Variants in RGL1 observed in about 807,000 individuals in gnomAD.
RGL1 encodes ral guanine nucleotide dissociation stimulator-like 1.
A neutral mutation model predicts 95.2 loss-of-function variants in RGL1; 24 were observed. That is an observed-to-expected ratio of 0.25 (90% CI 0.18 to 0.35). The LOEUF is 0.35. Among genes scored for constraint, RGL1 ranks in the 10% least tolerant of loss-of-function variants. The pLI, the probability that RGL1 is intolerant of heterozygous loss-of-function variation, is 1.00. For missense variants in RGL1, 715 were observed against 936.3 expected, an observed-to-expected ratio of 0.76 and a Z score of 3.08; for synonymous variants, 329 against 344.9, an observed-to-expected ratio of 0.95 and a Z score of 0.51.
intron 2 of RGL1, among the ~76,000 whole-genome samples, chr1:183,763,772 C>T (rs531047913): frequency 1.3e-5 from 2 of 152,260 alleles, no homozygotes; most frequent in South Asian, 4.1e-4. Flanking sequence ...TAGCTTGGTA[C>T]ATAATAAGCA....
At chr1:183,845,708 G>A (rs528544840) in intron 2 of RGL1, among the ~76,000 whole-genome samples, 28 of 152,232 alleles carry the variant, frequency 1.8e-4, no homozygotes, top group African/African-American at 6.0e-4. Context: ...GCACATTGCC[G>A]TCTGTGGACT....
intron 1 of RGL1, among the ~76,000 whole-genome samples, chr1:183,675,926 A>G (rs576284675): frequency 6.6e-6 from 1 of 152,298 alleles, no homozygotes; most frequent in East Asian, 1.9e-4. Context: ...CAGGAGGGTC[A>G]CTTGAGCCCA....
At chr1:183,883,763 T>C in intron 5 of RGL1, 23 bp from the exon 6 acceptor site, 2 of 1,613,406 alleles carry the variant, frequency 1.2e-6, no homozygotes, top group Non-Finnish European at 1.7e-6. Flanking sequence ...GCCAAATTAC[T>C]AATCTTTTCC....
chr1:183,768,279 C>T (rs1175959509), intron 2 of RGL1, among the ~76,000 whole-genome samples: 2 of 151,764 alleles, frequency 1.3e-5, no homozygotes, highest in African/African-American at 2.4e-5. Flanking sequence ...AAAAATTTAC[C>T]GTTCCAAGAT....
chr1:183,759,033 T>C (rs2102301981), intron 2 of RGL1, among the ~76,000 whole-genome samples: 1 of 152,296 alleles, frequency 6.6e-6, no homozygotes, highest in East Asian at 1.9e-4. Context: ...TTCTTGGATA[T>C]GAAAGCTTGC....
intron 1 of RGL1, among the ~76,000 whole-genome samples, chr1:183,700,361 T>G (rs1002584410): frequency 1.3e-5 from 2 of 151,996 alleles, no homozygotes; most frequent in African/African-American, 4.8e-5. Flanking sequence ...TATAGTATCA[T>G]AAATATGGGA....
At chr1:183,721,629 A>G (rs781574198) in intron 1 of RGL1, among the ~76,000 whole-genome samples, 18 of 152,222 alleles carry the variant, frequency 1.2e-4, no homozygotes, top group Admixed American at 3.3e-4. Flanking sequence ...ATAACCTGCT[A>G]TTATACAAAT....
intron 1 of RGL1, among the ~76,000 whole-genome samples, chr1:183,706,145 AGAGTAGTGTG>A (rs1379295774): frequency 2.6e-5 from 4 of 152,106 alleles, no homozygotes; most frequent in South Asian, 2.1e-4. Context: ...GTGGAAGTGG[AGAGTAGTGTG>A]GAGTTTTGAA....
At chr1:183,847,851 C>T in intron 3 of RGL1, 77 bp downstream of exon 3, 5 of 1,047,284 alleles carry the variant, frequency 4.8e-6, no homozygotes, top group Non-Finnish European at 7.3e-6. Context: ...TCTGAATCAC[C>T]TGCACTTGGT....
intron 3 of RGL1, among the ~76,000 whole-genome samples, chr1:183,854,135 A>G (rs1037142853): frequency 1.3e-5 from 2 of 152,248 alleles, no homozygotes; most frequent in Admixed American, 6.5e-5. Flanking sequence ...ATTAAAATTG[A>G]TAGACCACTG....
chr1:183,872,491 A>C (rs900858205), intron 4 of RGL1, among the ~76,000 whole-genome samples: 1 of 152,206 alleles, frequency 6.6e-6, no homozygotes, highest in Non-Finnish European at 1.5e-5. Context: ...ACTCTCTACC[A>C]TAGTACTACT....
intron 1 of RGL1, among the ~76,000 whole-genome samples, chr1:183,681,368 A>T (rs1462236410): frequency 6.6e-6 from 1 of 152,230 alleles, no homozygotes; most frequent in Non-Finnish European, 1.5e-5. Context: ...TAGTTTATTG[A>T]GAGCTTTTAG....
chr1:183,785,727 G>A (rs373671461), intron 2 of RGL1, among the ~76,000 whole-genome samples: 3 of 152,190 alleles, frequency 2.0e-5, no homozygotes, highest in Non-Finnish European at 4.4e-5. Context: ...CATCAAGAAC[G>A]TAATTTGTGA....
At chr1:183,785,671 A>G (rs1413477115) in intron 2 of RGL1, among the ~76,000 whole-genome samples, 1 of 152,212 alleles carries the variant, frequency 6.6e-6, no homozygotes, top group Non-Finnish European at 1.5e-5. Context: ...GGTGAAATGA[A>G]CCTGAACCAG....
At chr1:183,918,885 C>T (rs1669151625) in intron 16 of RGL1, among the ~76,000 whole-genome samples, 2 of 152,174 alleles carry the variant, frequency 1.3e-5, no homozygotes, top group Non-Finnish European at 2.9e-5. Context: ...TCAGGAGAAA[C>T]CTTGCTCACA....
chr1:183,854,654 T>C (rs1303774276), intron 3 of RGL1, among the ~76,000 whole-genome samples: 1 of 152,174 alleles, frequency 6.6e-6, no homozygotes. Context: ...CAATTTTTCC[T>C]GTCTTTTTTT....
chr1:183,867,840 C>T (rs549900000), intron 4 of RGL1, among the ~76,000 whole-genome samples: 1 of 152,130 alleles, frequency 6.6e-6, no homozygotes, highest in African/African-American at 2.4e-5. Flanking sequence ...GAATTTTTAA[C>T]TCCTCAGAAG....
chr1:183,783,391 A>G (rs539491529), intron 2 of RGL1, among the ~76,000 whole-genome samples: 12 of 152,204 alleles, frequency 7.9e-5, no homozygotes, highest in Non-Finnish European at 1.6e-4. Flanking sequence ...CAAAAACCAC[A>G]ATTACTTTTG....
intron 1 of RGL1, among the ~76,000 whole-genome samples, chr1:183,672,341 A>G (rs1470329379): frequency 1.3e-5 from 2 of 152,300 alleles, no homozygotes; most frequent in Non-Finnish European, 2.9e-5. Context: ...AAAAATAGTC[A>G]TTATTTTCTG....
Sources: gnomAD v4.1 joint callset for allele counts (sites outside exome capture counted in the v4.1 genomes callset) on GRCh38, gnomAD v4.1.1 for gene constraint, MANE v1.5 for transcripts, NCBI Gene and HGNC (gene_info 2026-07-23, HGNC 2026-07-21) for gene names.